The following RAPGEFL1 variants were observed in gnomAD, a reference collection of about 807,000 sequenced individuals.
RAPGEFL1 encodes the protein Rap guanine nucleotide exchange factor like 1, also known as rap guanine nucleotide exchange factor-like 1.
In RAPGEFL1, 31 loss-of-function variants were observed where a neutral mutation model predicts 64.4. The observed-to-expected ratio is 0.48, with a 90% CI of 0.36 to 0.65. The LOEUF is 0.65. RAPGEFL1 is among the 30% of genes least tolerant of loss of function. The probability of loss-of-function intolerance (pLI) is 0.00; values close to 1 mark genes in which losing one functional copy is unlikely to be tolerated. For synonymous variants in RAPGEFL1, 331 were observed against 274.1 expected (o/e 1.21, Z -2.05); for missense variants, 682 against 677.4 (o/e 1.01, Z -0.08).
chr17:40,188,740 C>T, intron 4 of RAPGEFL1, 126 bp from the exon 5 acceptor site: 1 of 722,868 alleles, frequency 1.4e-6, no homozygotes, highest in Non-Finnish European at 2.5e-6. Flanking sequence ...ACCCCCTTAA[C>T]CACCTGAAAT....
At chr17:40,192,366 G>T in intron 11 of RAPGEFL1, 103 bp downstream of exon 11, 1 of 1,301,046 alleles carries the variant, frequency 7.7e-7, no homozygotes, top group Non-Finnish European at 1.1e-6. Context: ...GGTGTTTAGT[G>T]TATGGGACCC....
Position 40,193,678 on chromosome 17 carries a change from G to A in RAPGEFL1, c.1879G>A (p.Ala627Thr). The A allele has an allele frequency of 3.1e-6, 5 of 1,613,994 alleles. No homozygotes were observed. Among genetic ancestry groups the A allele is most frequent in the Non-Finnish European group, 4.2e-6 (5 of 1,180,010 alleles). The change falls in exon 15 of 15, where the codon GCA becomes ACA. Residue 627 changes from alanine (A) to threonine (T), a missense_variant. By Grantham distance (58) the Ala-to-Thr change is moderately conservative (BLOSUM62 0). Coordinates refer to ENST00000620260, the MANE Select transcript of RAPGEFL1 (RefSeq NM_016339.6). ...TTACCCACTAGGCCTGGACATGGAG[G>A]CATCCCCCAATCACCTGCAGACCAA... Reference protein sequence around the residue: ...RSRPLCLDMEASPNHLQTKAY... With the variant: ...RSRPLCLDMETSPNHLQTKAY...
chr17:40,184,091 G>A (rs1391022919), intron 2 of RAPGEFL1, 123 bp from the exon 3 acceptor site: 9 of 775,374 alleles, frequency 1.2e-5, no homozygotes, highest in South Asian at 5.8e-5. Flanking sequence ...TGATCCGCCC[G>A]CCTCAGCTTC....
chr17:40,177,372 C>T (rs531736456), upstream of RAPGEFL1: 148 of 676,740 alleles, frequency 2.2e-4, no homozygotes, highest in African/African-American at 2.0e-3. Context: ...CCCCAGCGCG[C>T]GAGTTCAAGC....
Position 40,184,252 on chromosome 17 carries a change from T to A in RAPGEFL1, c.638T>A (p.Leu213Gln). ...RAGGMEGPEG[L>Q]GRKQACLAML... ...GGAGGCATGGAGGGCCCTGAAGGGC[T>A]GGGCCGGAAGCAAGCCTGTCTAGCC... is the stretch of plus-strand genomic sequence containing the variant. The change falls in exon 3 of 15, where the codon CTG (leucine) becomes CAG (glutamine). Residue 213 changes from leucine (L) to glutamine (Q), a missense_variant. By Grantham distance (113) the Leu-to-Gln change is moderately radical (BLOSUM62 -2). Around this residue, in one of 2 missense-constraint regions of RAPGEFL1, gnomAD observed 271 missense variants for 158.0 expected, o/e 1.72. Coordinates refer to ENST00000620260, the MANE Select transcript of RAPGEFL1 (RefSeq NM_016339.6). 2 of 1,613,658 alleles carry A rather than the reference T, an allele frequency of 1.2e-6. No individual in the cohort carries two copies. Among genetic ancestry groups the A allele is most frequent in the Non-Finnish European group, 1.7e-6 (2 of 1,179,898 alleles).
intron 4 of RAPGEFL1, among the ~76,000 whole-genome samples, chr17:40,186,544 C>T (rs547059816): frequency 3.4e-4 from 40 of 118,412 alleles, no homozygotes; most frequent in East Asian, 8.7e-4. Flanking sequence ...GTCCGCAGTC[C>T]GGCCTGGGCG....
chr17:40,184,852 T>G (rs1336019522), intron 4 of RAPGEFL1, among the ~76,000 whole-genome samples, 174 bp downstream of exon 4: 1 of 152,204 alleles, frequency 6.6e-6, no homozygotes, highest in East Asian at 1.9e-4. Flanking sequence ...CGATCTCGGC[T>G]CACAGCAACC....
intron 6 of RAPGEFL1, 69 bp downstream of exon 6, chr17:40,189,444 G>A (rs928051425): frequency 6.5e-7 from 1 of 1,548,880 alleles, no homozygotes; most frequent in Non-Finnish European, 8.8e-7. Context: ...CTCTGGGGGA[G>A]GGGTAGAGAC....
At chr17:40,183,522 T>TC (rs536572676) in intron 2 of RAPGEFL1, among the ~76,000 whole-genome samples, 1,470 of 135,052 alleles carry the variant, frequency 0.011, 5 homozygotes, top group Non-Finnish European at 0.016. Flanking sequence ...TCTTTTCTTT[T>TC]TTTTTTTTTT....
rs1273171633 is a variant in RAPGEFL1 at position 40,178,332 on chromosome 17, G to A, written c.471G>A (p.Arg157=). 1.7e-6 allele frequency: 1 copy of A among 577,390 alleles called. No homozygotes were observed. Among genetic ancestry groups the A allele is most frequent in the South Asian group, 1.9e-5 (1 of 52,650 alleles). 35.8% of individuals were successfully genotyped at this position (577,390 alleles called of 1,614,324 possible). Reference sequence around the variant, plus strand: ...AGCGGCCCGAGCATCTTCTGAACCGGGTTCTGGAGCGGCTTGCTGGAGGGG... The same window carrying A: ...AGCGGCCCGAGCATCTTCTGAACCGAGTTCTGGAGCGGCTTGCTGGAGGGG... ...APERPEHLLN[R]VLERLAGGAT... is the part of the protein sequence containing the mutation. Residue 157 remains arginine (R), a synonymous_variant, in exon 1 of 15, where the codon CGG becomes CGA. Transcript: ENST00000620260.
At position 40,191,171 on chromosome 17, in the gene RAPGEFL1, T is replaced by G. The variant is rs371700595; in HGVS notation, c.1336-145T>G. On this transcript the variant is annotated intron_variant, in intron 8 of 14. Coordinates refer to ENST00000620260, the MANE Select transcript of RAPGEFL1 (RefSeq NM_016339.6). The surrounding 1 kb of genome is among the most constrained non-coding windows in gnomAD (Gnocchi z 5.1). ...TTTCTTTTTCCGCATCTTTGCCGCC[T>G]CCTGTCCTTTCTATTTTTCTATTTT... 1.4e-6 allele frequency: 1 copy of G among 726,318 alleles called. No homozygotes were observed. Among genetic ancestry groups the G allele is most frequent in the South Asian group, 1.9e-5 (1 of 52,220 alleles). 45.0% of individuals were successfully genotyped at this position (726,318 alleles called of 1,614,324 possible).
intron 8 of RAPGEFL1, 45 bp downstream of exon 8, chr17:40,190,807 A>G (rs759678149): frequency 1.9e-6 from 3 of 1,608,454 alleles, no homozygotes; most frequent in Non-Finnish European, 2.5e-6. Flanking sequence ...GGAGGGAGAA[A>G]TGTGCCATTG....
At chr17:40,192,835 C>T (rs1437823846) in intron 12 of RAPGEFL1, 91 bp from the exon 13 acceptor site, 7 of 1,371,408 alleles carry the variant, frequency 5.1e-6, no homozygotes, top group Non-Finnish European at 7.3e-6. Context: ...GGAGTGGGTT[C>T]TGGGGAAGAG....
At chr17:40,181,475 G>C (rs1241743920) in intron 1 of RAPGEFL1, 141 bp from the exon 2 acceptor site, 2 of 675,080 alleles carry the variant, frequency 3.0e-6, no homozygotes, top group Non-Finnish European at 5.5e-6. Context: ...CGCGTGTGCA[G>C]AGCATGACAA....
intron 8 of RAPGEFL1, 195 bp downstream of exon 8, chr17:40,190,957 G>GC: frequency 1.3e-6 from 1 of 748,086 alleles, no homozygotes; most frequent in Non-Finnish European, 2.1e-6. Flanking sequence ...GTGGCTCAGG[G>GC]CCCAAGTGCT....
intron 2 of RAPGEFL1, among the ~76,000 whole-genome samples, chr17:40,183,766 C>T (rs1989967278): frequency 6.7e-6 from 1 of 149,988 alleles, no homozygotes. Flanking sequence ...AGTGATCCAC[C>T]TGCCTCAGCC....
Position 40,192,680 on chromosome 17 carries a change from T to C in RAPGEFL1, c.1731T>C (p.Pro577=), listed in dbSNP as rs180961380. ...KMKPPVIPFV[P]LILKDLTFLH... ...AGCCCCCTGTGATTCCCTTCGTGCC[T>C]CTGATCCTCAAAGGTGAGAGAGTTA... The change falls in exon 12 of 15, where the codon CCT becomes CCC. Residue 577 remains proline (P), a synonymous_variant. Transcript: ENST00000620260. The C allele has an allele frequency of 6.2e-6, 10 of 1,613,502 alleles. No homozygotes were observed. The East Asian group carries it at 2.0e-4, about 32-fold the overall frequency.
chr17:40,193,386 G>A lies in RAPGEFL1; in HGVS notation c.1833G>A (p.Arg611=), dbSNP rs1460047021. ...EKLHSVAEKV[R]TIRKYRSRPL... is the part of the protein sequence containing the mutation. Reference sequence around the variant, plus strand: ...AGCATTCAGTGGCCGAAAAAGTGAGGACAATCCGCAAATACCGGAGCCGGC... The same window carrying A: ...AGCATTCAGTGGCCGAAAAAGTGAGAACAATCCGCAAATACCGGAGCCGGC... The change falls in exon 14 of 15, where the codon AGG becomes AGA. Residue 611 remains arginine, a synonymous_variant. Coordinates refer to ENST00000620260, the MANE Select transcript of RAPGEFL1 (RefSeq NM_016339.6). 3.8e-5 allele frequency: 62 copies of A among 1,614,198 alleles called. No individual in the cohort carries two copies. Among genetic ancestry groups the A allele is most frequent in the Non-Finnish European group, 5.3e-5 (62 of 1,180,044 alleles).
intron 1 of RAPGEFL1, 46 bp downstream of exon 1, chr17:40,178,427 G>T (rs1257433669): frequency 4.3e-6 from 2 of 470,406 alleles, no homozygotes; most frequent in East Asian, 3.5e-5. Context: ...GGCTGGCCCC[G>T]GCTCCTCTTC....
Sources: gnomAD v4.1 joint callset for allele counts (sites outside exome capture counted in the v4.1 genomes callset) on GRCh38, gnomAD v4.1.1 for gene constraint, gnomAD v4.1.1 regional missense constraint, Gnocchi (gnomAD v3.1) non-coding constraint, MANE v1.5 for transcripts, NCBI Gene and HGNC (gene_info 2026-07-23, HGNC 2026-07-21) for gene names.